ANKS6: variants seen among roughly 807,000 people sequenced by gnomAD.
The protein encoded by ANKS6 is ankyrin repeat and sterile alpha motif domain containing 6, also known as ankyrin repeat and SAM domain-containing protein 6.
In ANKS6, 47 loss-of-function variants were observed where a neutral mutation model predicts 77.9. The ratio of observed to expected loss-of-function variants is 0.60; its 90% confidence interval spans 0.48 to 0.77. ANKS6 has a LOEUF of 0.77. ANKS6 is among the 30% of genes least tolerant of loss of function. The pLI is 0.00. For synonymous variants in ANKS6, 488 were observed against 501.7 expected (o/e 0.97, Z 0.37); for missense variants, 1,150 against 1,159.1 (o/e 0.99, Z 0.11).
intron 10 of ANKS6, 50 bp from the exon 11 acceptor site, chr9:98,768,300 C>T: frequency 6.2e-7 from 1 of 1,604,264 alleles, no homozygotes; most frequent in South Asian, 1.1e-5. Context: ...GGGCTTACTC[C>T]AACACAAGGG....
rs746300422 is a variant in ANKS6, at chr9:98,732,416, C to T, written c.*4103G>A. On this transcript the variant is annotated 3_prime_UTR_variant, in exon 15 of 15. Transcript: ENST00000353234. ...CCAGGAAATCCAGTGACAGCAAGAC[C>T]CAGAGTCAGGCACATTTGGAGGGCA... 6.6e-5 allele frequency: 93 copies of T among 1,419,650 alleles called. No individual in the cohort carries two copies. Among genetic ancestry groups the T allele is most frequent in the Non-Finnish European group, 8.7e-5 (90 of 1,035,032 alleles). 87.9% of individuals were successfully genotyped at this position (1,419,650 alleles called of 1,614,324 possible).
intron 14 of ANKS6, among the ~76,000 whole-genome samples, chr9:98,743,100 A>T (rs1457294121): frequency 6.6e-6 from 1 of 152,160 alleles, no homozygotes; most frequent in Non-Finnish European, 1.5e-5. Context: ...TGGTGGCATC[A>T]GCTCCTGGCC....
Position 98,779,795 on chromosome 9 carries a change from C to G in ANKS6, c.1368+394G>C, listed in dbSNP as rs560119705. Among the ~76,000 whole-genome samples the G allele has an allele frequency of 5.5e-3, 842 of 152,240 alleles. 5 individuals carry two copies. The highest frequency in any genetic ancestry group is 0.019 in the African/African-American group (806 of 41,548). Reference sequence around the variant, plus strand: ...TCTCCTGCCTCAGCCTCCCGTGTAGCTGGGACTACAGGCGTGCGCCACCAT... The same window carrying G: ...TCTCCTGCCTCAGCCTCCCGTGTAGGTGGGACTACAGGCGTGCGCCACCAT... On this transcript the variant is annotated intron_variant, in intron 6 of 14. Transcript: ENST00000353234.
intron 7 of ANKS6, 31 bp from the exon 8 acceptor site, chr9:98,777,485 A>T (rs575198385): frequency 6.2e-7 from 1 of 1,611,664 alleles, no homozygotes; most frequent in South Asian, 1.1e-5. Flanking sequence ...TCCTGAAATG[A>T]CCCCTCCACG....
chr9:98,756,708 T>C (rs1564190017), intron 11 of ANKS6, 105 bp from the exon 12 acceptor site: 8 of 979,096 alleles, frequency 8.2e-6, no homozygotes, highest in Non-Finnish European at 1.1e-5. Context: ...TGATTCAACA[T>C]GATGTTTAAC....
chr9:98,741,898 T>C (rs1001612552), intron 14 of ANKS6, among the ~76,000 whole-genome samples: 25 of 152,236 alleles, frequency 1.6e-4, no homozygotes, highest in East Asian at 5.8e-4. Context: ...ATCTTATTGA[T>C]TGTGTAAAAA....
rs762580626 is a variant in ANKS6 at position 98,790,356 on chromosome 9, C to T, written c.610G>A (p.Glu204Lys). ...TCCATCAGTAGACGCACCACGGCCT[C>T]GTGCCCGTGCTGGATGGCAGCCATC... Reference protein sequence around the residue: ...ALMAAIQHGHEAVVRLLMEWG... With the variant: ...ALMAAIQHGHKAVVRLLMEWG... The change falls in exon 2 of 15, where the codon GAG becomes AAG. Residue 204 changes from glutamate to lysine, a missense_variant. By Grantham distance (56) the Glu-to-Lys change is moderately conservative. Coordinates refer to ENST00000353234, the MANE Select transcript of ANKS6 (RefSeq NM_173551.5). 6.2e-6 allele frequency: 10 copies of T among 1,613,156 alleles called. No homozygotes were observed. The African/African-American group carries it at 8.0e-5, about 13-fold the overall frequency.
At chr9:98,787,625 T>G (rs141176274) in intron 2 of ANKS6, among the ~76,000 whole-genome samples, 1 of 152,318 alleles carries the variant, frequency 6.6e-6, no homozygotes, top group Non-Finnish European at 1.5e-5. Context: ...TTTCCATTTA[T>G]TGGATGTCGT....
At chr9:98,774,423 T>G (rs1389101678) in intron 8 of ANKS6, among the ~76,000 whole-genome samples, 1 of 152,100 alleles carries the variant, frequency 6.6e-6, no homozygotes, top group Non-Finnish European at 1.5e-5. Flanking sequence ...TGCTGCACAG[T>G]GAAGGCACCT....
At chr9:98,743,228 G>C (rs12376360) in intron 14 of ANKS6, among the ~76,000 whole-genome samples, 119,262 of 151,120 alleles carry the variant, frequency 0.79, 47,536 homozygotes, top group African/African-American at 0.9. Context: ...CTCTGGAGGC[G>C]AAGAGGAGAA....
In ANKS6 at chr9:98,778,264, G is replaced by C. The variant is rs1156706016; in HGVS notation, c.1529C>G (p.Ser510Cys). The change falls in exon 7 of 15, where the codon TCT becomes TGT. Residue 510 changes from serine (S) to cysteine (C), a missense_variant. Physicochemically the swap from Ser to Cys is moderately radical, Grantham distance 112. Coordinates refer to ENST00000353234, the MANE Select transcript of ANKS6 (RefSeq NM_173551.5). ...CACAGGGGCCGCATCAGGGAGTGCA[G>C]AGCGGCTTGTCTTGTCCTGGGGGGC... ...RAAPQDKTSR[S>C]ALPDAAPVTK... 1.2e-6 allele frequency: 2 copies of C among 1,614,222 alleles called. No individual in the cohort carries two copies. The highest frequency in any genetic ancestry group is 2.2e-5 in the South Asian group (2 of 91,076).
Position 98,782,517 on chromosome 9 carries a change from G to C in ANKS6, c.1169C>G (p.Ala390Gly), listed in dbSNP as rs769245935. The change falls in exon 5 of 15, where the codon GCA becomes GGA. Residue 390 changes from alanine (A) to glycine (G), a missense_variant. Ala to Gly is a moderately conservative substitution (Grantham distance 60, BLOSUM62 0). Coordinates refer to ENST00000353234, the MANE Select transcript of ANKS6 (RefSeq NM_173551.5). ...GTCAAAGGCCGTGTATCCATTTTTT[G>C]CACGAAGAGTGACATCGGCCCCTTG... ...LNQGADVTLRAKNGYTAFDLV... is the reference protein window; with the variant it reads ...LNQGADVTLRGKNGYTAFDLV... 1 of 1,613,874 alleles carries C rather than the reference G, an allele frequency of 6.2e-7. No individual in the cohort carries two copies. Among genetic ancestry groups the C allele is most frequent in the East Asian group, 2.2e-5 (1 of 44,888 alleles).
At chr9:98,747,250 T>C (rs1832185008) in intron 13 of ANKS6, among the ~76,000 whole-genome samples, 1 of 151,760 alleles carries the variant, frequency 6.6e-6, no homozygotes, top group African/African-American at 2.4e-5. Context: ...TTATATTCCC[T>C]CATACCTAAC....
At chr9:98,757,273 G>A (rs1365478645) in intron 11 of ANKS6, among the ~76,000 whole-genome samples, 1 of 151,994 alleles carries the variant, frequency 6.6e-6, no homozygotes, top group Non-Finnish European at 1.5e-5. Context: ...TGGCTGTTTT[G>A]CTTATGTCCT....
At chr9:98,757,838 G>A (rs1832795843) in intron 11 of ANKS6, among the ~76,000 whole-genome samples, 2 of 152,074 alleles carry the variant, frequency 1.3e-5, no homozygotes, top group Admixed American at 1.3e-4. Context: ...TGAGGCAGGA[G>A]AATCACTTGA....
intron 4 of ANKS6, 136 bp downstream of exon 4, chr9:98,783,817 T>TC: frequency 1.4e-6 from 1 of 723,326 alleles, no homozygotes; most frequent in Non-Finnish European, 1.9e-6. Context: ...TTTTTTTTTT[T>TC]TCCATGCCTC....
Position 98,735,121 on chromosome 9 carries a change from C to T in ANKS6, c.*1398G>A, listed in dbSNP as rs1224268696. The T allele has an allele frequency of 1.0e-6, 1 of 985,286 alleles. No homozygotes were observed. The highest frequency in any genetic ancestry group is 1.1e-4 in the East Asian group (1 of 8,820). The allele number at this position is 985,286 out of a possible 1,614,324, so 61.0% of individuals were successfully genotyped here. On this transcript the variant is annotated 3_prime_UTR_variant, in exon 15 of 15. Coordinates refer to ENST00000353234, the MANE Select transcript of ANKS6 (RefSeq NM_173551.5). ...AGGTAGAGATCAGAATTCTGTGCAG[C>T]CTACCATCGACTGGGTACTTCCTGC...
intron 8 of ANKS6, among the ~76,000 whole-genome samples, chr9:98,775,098 C>A (rs377479599): frequency 6.6e-6 from 1 of 152,260 alleles, no homozygotes; most frequent in Non-Finnish European, 1.5e-5. Flanking sequence ...CCCTCTTTCC[C>A]TCTAGACCAC....
chr9:98,749,079 A>G (rs982200900), intron 13 of ANKS6, among the ~76,000 whole-genome samples: 1 of 152,176 alleles, frequency 6.6e-6, no homozygotes, highest in Non-Finnish European at 1.5e-5. Flanking sequence ...AAAGCCTCCA[A>G]GGAAAACACT....
Sources: allele counts gnomAD v4.1 joint callset (sites outside exome capture counted in the v4.1 genomes callset), GRCh38; gene constraint gnomAD v4.1.1; transcripts MANE v1.5; gene names NCBI Gene and HGNC (gene_info 2026-07-23, HGNC 2026-07-21).